CAMTA1: variants seen among roughly 807,000 people sequenced by gnomAD.
The protein encoded by CAMTA1 is calmodulin-binding transcription activator 1.
In CAMTA1, 27 loss-of-function variants were observed where a neutral mutation model predicts 170.9. That is an observed-to-expected ratio of 0.16 (90% confidence interval 0.12 to 0.22). The LOEUF is 0.22. Ranked by LOEUF, CAMTA1 falls within the 10% of genes least tolerant of loss-of-function variation. The pLI is 1.00. For missense variants in CAMTA1, 1,619 were observed against 2,217.2 expected (o/e 0.73, Z 5.42); for synonymous variants, 833 against 891.5 (o/e 0.93, Z 1.17).
At chr1:6,838,067 T>C (rs921300713) in intron 3 of CAMTA1, among the ~76,000 whole-genome samples, 10 of 152,304 alleles carry the variant, frequency 6.6e-5, no homozygotes, top group African/African-American at 2.4e-4. Flanking sequence ...GTTCTAAGTA[T>C]ATACAATAGT....
intron 11 of CAMTA1, among the ~76,000 whole-genome samples, chr1:7,695,020 T>G (rs114756001): frequency 1.2e-3 from 178 of 152,298 alleles, no homozygotes; most frequent in African/African-American, 4.3e-3. Flanking sequence ...AAATGCATCA[T>G]TGCTCTAATT....
intron 4 of CAMTA1, among the ~76,000 whole-genome samples, chr1:7,145,655 G>T (rs1646139464): frequency 1.3e-5 from 2 of 152,228 alleles, no homozygotes; most frequent in Admixed American, 1.3e-4. Context: ...GAACCCTGGG[G>T]TCACTGCAGG....
At chr1:7,655,003 CCT>C (rs752915886) in intron 7 of CAMTA1, among the ~76,000 whole-genome samples, 5,059 of 143,468 alleles carry the variant, frequency 0.035, 374 homozygotes, top group East Asian at 0.19. Flanking sequence ...CCCACACACA[CCT>C]ATACACACAC....
At chr1:6,869,896 G>A (rs1198407984) in intron 3 of CAMTA1, among the ~76,000 whole-genome samples, 2 of 152,074 alleles carry the variant, frequency 1.3e-5, no homozygotes, top group Non-Finnish European at 2.9e-5. Context: ...AGAAGATTTG[G>A]GCTAACATTT....
At chr1:7,477,516 C>T (rs987548703) in intron 6 of CAMTA1, among the ~76,000 whole-genome samples, 8 of 152,192 alleles carry the variant, frequency 5.3e-5, no homozygotes, top group East Asian at 1.9e-4. Context: ...CAGTATTTCC[C>T]GCTCAGACAT....
At chr1:7,510,938 C>T (rs2094194086) in intron 6 of CAMTA1, among the ~76,000 whole-genome samples, 1 of 145,090 alleles carries the variant, frequency 6.9e-6, no homozygotes, top group Non-Finnish European at 1.5e-5. Flanking sequence ...CCACATCCTA[C>T]ACCCTCCATC....
intron 5 of CAMTA1, among the ~76,000 whole-genome samples, chr1:7,330,150 G>A (rs1305726777): frequency 1.3e-5 from 2 of 152,164 alleles, no homozygotes; most frequent in African/African-American, 2.4e-5. Context: ...AAACTTGGGT[G>A]TACTGAGTGC....
intron 6 of CAMTA1, among the ~76,000 whole-genome samples, chr1:7,530,758 A>C (rs1446865762): frequency 1.3e-5 from 2 of 150,794 alleles, no homozygotes; most frequent in African/African-American, 4.9e-5. Flanking sequence ...CATAGATCAG[A>C]ATGTGGATTT....
intron 6 of CAMTA1, among the ~76,000 whole-genome samples, chr1:7,560,097 C>A (rs74792683): frequency 0.011 from 1,650 of 152,338 alleles, 28 homozygotes; most frequent in African/African-American, 0.037. Context: ...TGACCTCCAG[C>A]TCAGGAGGGG....
chr1:7,577,943 G>A (rs549749984), intron 6 of CAMTA1, among the ~76,000 whole-genome samples: 3 of 152,258 alleles, frequency 2.0e-5, no homozygotes, highest in Non-Finnish European at 4.4e-5. Context: ...GAAGGTCACC[G>A]TTATTTGCTG....
intron 6 of CAMTA1, among the ~76,000 whole-genome samples, chr1:7,556,390 A>C (rs1451347823): frequency 2.0e-5 from 3 of 152,192 alleles, no homozygotes; most frequent in Admixed American, 6.5e-5. Context: ...CAGAGGTCAA[A>C]GCATCAGAAA....
rs144407961 is a variant in CAMTA1, at chr1:7,067,213, A to C, written c.235-24091A>C. 6.6e-6 allele frequency among the ~76,000 whole-genome samples: 1 copy of C among 152,292 alleles called. No individual in the cohort carries two copies. The highest frequency in any genetic ancestry group is 1.9e-4 in the East Asian group (1 of 5,184). Reference sequence around the variant, plus strand: ...GGGCTGGTAAATCTATGGCATGGAAAAGGTGGAAGAGTTATCTCTGCTTCC... The same window carrying C: ...GGGCTGGTAAATCTATGGCATGGAACAGGTGGAAGAGTTATCTCTGCTTCC... On this transcript the variant is annotated intron_variant, in intron 3 of 22. Coordinates refer to ENST00000303635, the MANE Select transcript of CAMTA1 (RefSeq NM_015215.4). The surrounding 1 kb of genome is among the most constrained non-coding windows in gnomAD (Gnocchi z 4.3).
intron 3 of CAMTA1, among the ~76,000 whole-genome samples, chr1:6,907,516 A>G (rs977811834): frequency 2.6e-5 from 4 of 152,150 alleles, no homozygotes; most frequent in Admixed American, 1.3e-4. Context: ...GCAACTGAAG[A>G]ATTCTGGCTT....
intron 3 of CAMTA1, among the ~76,000 whole-genome samples, chr1:6,858,951 AT>A (rs959677341): frequency 6.6e-6 from 1 of 152,236 alleles, no homozygotes; most frequent in African/African-American, 2.4e-5. Context: ...CATACAAATC[AT>A]TATGTCCTTT....
chr1:6,884,335 C>CACACACACACACACACAA (rs776481131), intron 3 of CAMTA1, among the ~76,000 whole-genome samples: 8 of 143,924 alleles, frequency 5.6e-5, no homozygotes, highest in African/African-American at 1.3e-4. Context: ...CACACACACA[C>CACACACACACACACACAA]AATTTTGTTT....
At chr1:7,384,546 T>C (rs1188065443) in intron 5 of CAMTA1, among the ~76,000 whole-genome samples, 2 of 152,242 alleles carry the variant, frequency 1.3e-5, no homozygotes, top group Non-Finnish European at 2.9e-5. Flanking sequence ...ATGCTTGATA[T>C]TTCCCTTTTT....
At chr1:6,857,941 A>G (rs896350185) in intron 3 of CAMTA1, among the ~76,000 whole-genome samples, 12 of 152,226 alleles carry the variant, frequency 7.9e-5, no homozygotes, top group African/African-American at 2.4e-4. Flanking sequence ...CTAGAATGCA[A>G]GATATGCCAG....
At chr1:7,424,388 G>A (rs1481315839) in intron 5 of CAMTA1, among the ~76,000 whole-genome samples, 1 of 151,156 alleles carries the variant, frequency 6.6e-6, no homozygotes, top group African/African-American at 2.4e-5. Flanking sequence ...ATTTTGTATT[G>A]CGTGTCACAG....
At chr1:7,505,130 G>T (rs1325074257) in intron 6 of CAMTA1, among the ~76,000 whole-genome samples, 20 of 152,366 alleles carry the variant, frequency 1.3e-4, no homozygotes, top group Non-Finnish European at 1.5e-5. Context: ...TGCCTCATGG[G>T]CACATGCATA....
Sources: gnomAD v4.1 joint callset for allele counts (sites outside exome capture counted in the v4.1 genomes callset) on GRCh38, gnomAD v4.1.1 for gene constraint, Gnocchi (gnomAD v3.1) non-coding constraint, MANE v1.5 for transcripts, NCBI Gene and HGNC (gene_info 2026-07-23, HGNC 2026-07-21) for gene names.